ATAD2B: variants seen among roughly 807,000 people sequenced by gnomAD.
ATAD2B encodes the protein ATPase family AAA domain-containing protein 2B.
In ATAD2B, 40 loss-of-function variants were observed where a neutral mutation model predicts 167.6. The observed-to-expected ratio is 0.24, with a 90% CI of 0.19 to 0.31. The LOEUF is 0.31. ATAD2B is among the 10% of genes least tolerant of loss of function. ATAD2B has a pLI of 1.00. For synonymous variants in ATAD2B, 579 were observed against 596.5 expected, an observed-to-expected ratio of 0.97 and a Z score of 0.43; for missense variants, 1,242 against 1,757.2, an observed-to-expected ratio of 0.71 and a Z score of 5.24.
the ATAD2B span, among the ~76,000 whole-genome samples, chr2:23,727,562 A>G: frequency 1.3e-5 from 2 of 152,166 alleles, no homozygotes; most frequent in Admixed American, 1.3e-4. Flanking sequence ...TATTATATAT[A>G]TACCTATACC....
chr2:23,860,886 A>T (rs1292391268), intron 12 of ATAD2B, among the ~76,000 whole-genome samples: 2 of 152,094 alleles, frequency 1.3e-5, no homozygotes, highest in Non-Finnish European at 2.9e-5. Context: ...CAGGAGAATC[A>T]CCTGAACCCA....
intron 13 of ATAD2B, among the ~76,000 whole-genome samples, chr2:23,844,192 G>A (rs571518008): frequency 4.6e-5 from 7 of 152,144 alleles, no homozygotes; most frequent in East Asian, 3.9e-4. Context: ...CACACGCCTC[G>A]GCCTCCCAAA....
chr2:23,793,999 C>T (rs1682217511), intron 19 of ATAD2B, among the ~76,000 whole-genome samples: 1 of 151,938 alleles, frequency 6.6e-6, no homozygotes, highest in Admixed American at 6.6e-5. Flanking sequence ...CAAAATTTAG[C>T]GAGAAAAGTG....
At chr2:23,740,766 C>T in the ATAD2B span, among the ~76,000 whole-genome samples, 126 of 152,314 alleles carry the variant, frequency 8.3e-4, no homozygotes, top group Non-Finnish European at 1.5e-3. Flanking sequence ...CAAATTGTCC[C>T]TGCTTGCAGA....
At chr2:23,788,756 T>C (rs186241566) in intron 19 of ATAD2B, 109 bp from the exon 20 acceptor site, 50 of 954,460 alleles carry the variant, frequency 5.2e-5, no homozygotes, top group East Asian at 2.4e-4. Flanking sequence ...TCAATATTCA[T>C]AGACCATTCA....
Position 23,758,106 on chromosome 2 carries a change from T to C in ATAD2B, c.3395-5A>G. 1 of 1,544,714 alleles carries C rather than the reference T, an allele frequency of 6.5e-7. No homozygotes were observed. Among genetic ancestry groups the C allele is most frequent in the South Asian group, 1.3e-5 (1 of 79,770 alleles). On this transcript the variant is annotated splice_region_variant and splice_polypyrimidine_tract_variant and intron_variant, in intron 24 of 27. Transcript: ENST00000238789. ...TTGATTTTCTCCGAACCCGAACTGTTTTACAAGGAAGGAAAAAAGATATGT... is the reference window on the plus strand; with the variant it reads ...TTGATTTTCTCCGAACCCGAACTGTCTTACAAGGAAGGAAAAAAGATATGT...
the ATAD2B span, among the ~76,000 whole-genome samples, chr2:23,686,723 G>C: frequency 6.6e-6 from 1 of 152,148 alleles, no homozygotes; most frequent in Non-Finnish European, 1.5e-5. Context: ...AGGTCCCCAG[G>C]TTGGGCCACC....
chr2:23,911,932 G>A (rs1245232848), intron 1 of ATAD2B, among the ~76,000 whole-genome samples: 5 of 146,590 alleles, frequency 3.4e-5, no homozygotes, highest in Admixed American at 7.0e-5. Context: ...CCAAGATCAC[G>A]CCATTGCATA....
chr2:23,792,020 T>A (rs1393898482), intron 19 of ATAD2B, among the ~76,000 whole-genome samples: 11 of 151,980 alleles, frequency 7.2e-5, no homozygotes, highest in African/African-American at 1.7e-4. Context: ...TTTTTCCACA[T>A]CCTCATCAAC....
chr2:23,769,125 A>G (rs1476269092), intron 22 of ATAD2B, among the ~76,000 whole-genome samples: 2 of 152,144 alleles, frequency 1.3e-5, no homozygotes, highest in African/African-American at 4.8e-5. Flanking sequence ...TCAAATCTCC[A>G]GATGCTTATA....
At chr2:23,712,334 T>C in the ATAD2B span, among the ~76,000 whole-genome samples, 1 of 152,198 alleles carries the variant, frequency 6.6e-6, no homozygotes, top group Non-Finnish European at 1.5e-5. Flanking sequence ...TAGAAGTGGT[T>C]TTAAAAACAC....
At position 23,867,907 on chromosome 2, in the gene ATAD2B, G is replaced by T; in HGVS notation, c.1116C>A (p.Ser372Arg). 1 of 1,613,614 alleles carries T rather than the reference G, an allele frequency of 6.2e-7. No homozygotes were observed. ...CTTTCACTCGTTCTCGGAGAATACC[G>T]CTAGCTAAGTCCTCTGCTCTGAAGT... ...PMNFRAEDLA[S>R]GILRERVKVG... is the part of the protein sequence containing the mutation. Residue 372 changes from serine (S) to arginine (R), a missense_variant, in exon 10 of 28, where the codon AGC becomes AGA. By Grantham distance (110) the Ser-to-Arg change is moderately radical. This residue lies in a region of ATAD2B where 127 missense variants were observed against 146.3 expected (regional missense o/e 0.87). Transcript: ENST00000238789.
chr2:23,874,930 C>A (rs1352632563), intron 8 of ATAD2B, among the ~76,000 whole-genome samples: 2 of 151,660 alleles, frequency 1.3e-5, no homozygotes, highest in African/African-American at 4.8e-5. Context: ...GTGGCGAATG[C>A]CTGTACTCCC....
Position 23,833,999 on chromosome 2 carries a change from T to C in ATAD2B, c.1648A>G (p.Arg550Gly). ...GEIVVIGATN[R>G]LDSIDPALRR... Reference sequence around the variant, plus strand: ...AGTGCAGGATCTATAGAGTCAAGTCTGTTTGTAGCACCAATAACAACAATT... The same window carrying C: ...AGTGCAGGATCTATAGAGTCAAGTCCGTTTGTAGCACCAATAACAACAATT... The change falls in exon 14 of 28, where the codon AGA becomes GGA. Residue 550 changes from arginine (R) to glycine (G), a missense_variant. Transcript: ENST00000238789. 6.2e-7 allele frequency: 1 copy of C among 1,613,260 alleles called. No homozygotes were observed. The highest frequency in any genetic ancestry group is 8.5e-7 in the Non-Finnish European group (1 of 1,179,404).
At chr2:23,924,125 A>G (rs1178941332) in intron 1 of ATAD2B, among the ~76,000 whole-genome samples, 1 of 152,178 alleles carries the variant, frequency 6.6e-6, no homozygotes, top group Non-Finnish European at 1.5e-5. Context: ...CGGAGCCTGC[A>G]GTGAGCCGAG....
intron 17 of ATAD2B, chr2:23,811,570 G>A (rs1174859776): frequency 6.6e-6 from 1 of 152,110 alleles, no homozygotes; most frequent in Non-Finnish European, 1.5e-5. Flanking sequence ...ACACAGGGAG[G>A]GGAACATCAC....
chr2:23,697,141 G>C, the ATAD2B span: 1 of 152,482 alleles, frequency 6.6e-6, no homozygotes, highest in Non-Finnish European at 1.5e-5. Context: ...GACCACGTGT[G>C]AACCTGCCCT....
chr2:23,776,030 C>T (rs1253135372), intron 22 of ATAD2B, among the ~76,000 whole-genome samples: 1 of 152,094 alleles, frequency 6.6e-6, no homozygotes, highest in East Asian at 1.9e-4. Flanking sequence ...GCAGGAGAAT[C>T]GCATGAACCC....
chr2:23,847,864 G>A (rs1173568760), intron 13 of ATAD2B, among the ~76,000 whole-genome samples: 5 of 148,818 alleles, frequency 3.4e-5, no homozygotes, highest in African/African-American at 5.0e-5. Context: ...GTGGTGGCAC[G>A]CAGCTGTAGC....
Sources: gnomAD v4.1 joint callset for allele counts (sites outside exome capture counted in the v4.1 genomes callset) on GRCh38, gnomAD v4.1.1 for gene constraint, gnomAD v4.1.1 regional missense constraint, MANE v1.5 for transcripts, NCBI Gene and HGNC (gene_info 2026-07-23, HGNC 2026-07-21) for gene names.